PIP5K1A: variants seen among roughly 807,000 people sequenced by gnomAD.
PIP5K1A encodes the protein phosphatidylinositol 4-phosphate 5-kinase type-1 alpha.
PIP5K1A carries 46 observed loss-of-function variants against 72.9 expected under a neutral mutation model. The ratio of observed to expected loss-of-function variants is 0.63; its 90% CI spans 0.50 to 0.81. PIP5K1A has a LOEUF of 0.81. PIP5K1A is among the 30% of genes least tolerant of loss of function. PIP5K1A has a pLI of 0.00. For missense variants in PIP5K1A, 458 were observed against 706.1 expected (o/e 0.65, Z 3.98); for synonymous variants, 228 against 255.1 (o/e 0.89, Z 1.01).
At chr1:151,196,786 C>T (rs587716315), upstream of PIP5K1A, among the ~76,000 whole-genome samples, 2 of 151,720 alleles carry the variant, frequency 1.3e-5, no homozygotes, top group South Asian at 2.1e-4. Flanking sequence ...GTCTTGAACT[C>T]CCGACCTCAG....
chr1:151,236,816 C>CT (rs1690934873), intron 9 of PIP5K1A, 53 bp downstream of exon 9: 54 of 500,372 alleles, frequency 1.1e-4, no homozygotes, highest in South Asian at 3.7e-4. Context: ...CAGCACTTTT[C>CT]TTTTCTTTTT....
intron 1 of PIP5K1A, among the ~76,000 whole-genome samples, chr1:151,206,721 A>C (rs937681895): frequency 1.3e-5 from 2 of 152,044 alleles, no homozygotes; most frequent in Admixed American, 1.3e-4. Context: ...ACGTGCCACC[A>C]CATCCGGCTA....
intron 3 of PIP5K1A, among the ~76,000 whole-genome samples, chr1:151,226,321 G>A (rs1208560737): frequency 1.3e-5 from 2 of 151,638 alleles, no homozygotes; most frequent in Non-Finnish European, 2.9e-5. Context: ...TCCTGACCTC[G>A]TGATCCACTT....
intron 11 of PIP5K1A, 122 bp from the exon 12 acceptor site, chr1:151,239,833 C>T (rs1350126175): frequency 5.5e-6 from 4 of 721,522 alleles, no homozygotes; most frequent in Admixed American, 2.2e-5. Flanking sequence ...TGGCCCCTTC[C>T]GTTTATTTCA....
At chr1:151,238,437 T>C in intron 10 of PIP5K1A, 172 bp downstream of exon 10, 1 of 584,336 alleles carries the variant, frequency 1.7e-6, no homozygotes, top group Non-Finnish European at 3.1e-6. Flanking sequence ...TTTTGCCTCT[T>C]TCCCCGGCCT....
intron 2 of PIP5K1A, 33 bp downstream of exon 2, chr1:151,224,312 A>G (rs780174993): frequency 1.2e-5 from 20 of 1,610,878 alleles, no homozygotes; most frequent in Admixed American, 1.7e-5. Flanking sequence ...GGTTACTAAA[A>G]CCTTAATTCT....
intron 1 of PIP5K1A, among the ~76,000 whole-genome samples, chr1:151,219,121 C>T (rs1688031810): frequency 6.6e-6 from 1 of 152,176 alleles, no homozygotes; most frequent in African/African-American, 2.4e-5. Flanking sequence ...TGGCTCACGC[C>T]TATAATCCCA....
At chr1:151,201,656 C>T (rs907792278) in intron 1 of PIP5K1A, among the ~76,000 whole-genome samples, 2 of 152,026 alleles carry the variant, frequency 1.3e-5, no homozygotes, top group South Asian at 4.1e-4. Context: ...GTCAGGAGTT[C>T]GAGACCAGCC....
intron 14 of PIP5K1A, among the ~76,000 whole-genome samples, chr1:151,245,241 CA>C (rs1467509708): frequency 6.6e-6 from 1 of 152,182 alleles, no homozygotes; most frequent in Non-Finnish European, 1.5e-5. Flanking sequence ...TTGTCCAATT[CA>C]TTAGGCACAT....
chr1:151,238,881 T>G (rs1049843827), intron 10 of PIP5K1A, among the ~76,000 whole-genome samples: 1 of 152,206 alleles, frequency 6.6e-6, no homozygotes, highest in Non-Finnish European at 1.5e-5. Flanking sequence ...GTTCCTGATT[T>G]GTCAGGGACA....
chr1:151,195,445 T>C (rs12080668), upstream of PIP5K1A: 1,097 of 152,232 alleles, frequency 7.2e-3, 14 homozygotes, highest in African/African-American at 0.025. Flanking sequence ...ACAGTTCTAC[T>C]ATGCCAGGAA....
Position 151,239,952 on chromosome 1 carries a change from C to G in PIP5K1A, c.1279-3C>G. 2 of 1,609,464 alleles carry G rather than the reference C, an allele frequency of 1.2e-6. No individual in the cohort carries two copies. Among genetic ancestry groups the G allele is most frequent in the Non-Finnish European group, 1.7e-6 (2 of 1,175,956 alleles). On this transcript the variant is annotated splice_polypyrimidine_tract_variant and splice_region_variant and intron_variant, in intron 11 of 15. Transcript: ENST00000368888. Reference sequence around the variant, plus strand: ...ACTCTATAGCATTTCTTCTGCTCTGCAGGACACTGTCTCAGTGCATCGCCC... The same window carrying G: ...ACTCTATAGCATTTCTTCTGCTCTGGAGGACACTGTCTCAGTGCATCGCCC...
chr1:151,200,422 G>T (rs146045372), intron 1 of PIP5K1A, among the ~76,000 whole-genome samples: 1 of 151,306 alleles, frequency 6.6e-6, no homozygotes, highest in Admixed American at 6.6e-5. Context: ...TGTGTCGGGT[G>T]GGGGGGCGGG....
chr1:151,201,866 CAAA>C (rs1199975695), intron 1 of PIP5K1A, among the ~76,000 whole-genome samples: 2 of 151,086 alleles, frequency 1.3e-5, no homozygotes, highest in Admixed American at 1.3e-4. Flanking sequence ...TGTCTCAAAA[CAAA>C]AAAAAGGGGG....
At position 151,198,553 on chromosome 1, in the gene PIP5K1A, A is replaced by AT. The variant is rs150367641; in HGVS notation, c.-438dup. ...GGTCGGGCGCATGCGCAGTGCTCGG[A>AT]TTTTTTGCTTGGCTACCCGGAGTGA... On this transcript the variant is annotated 5_prime_UTR_variant, in exon 1 of 16. Coordinates refer to ENST00000368888, the MANE Select transcript of PIP5K1A (RefSeq NM_001135638.2). The AT allele has an allele frequency of 0.022, 4,259 of 194,554 alleles. 71 individuals are homozygous for AT. The highest frequency in any genetic ancestry group is 0.034 in the South Asian group (418 of 12,210). 12.1% of individuals were successfully genotyped at this position (194,554 alleles called of 1,614,324 possible). A position where few individuals can be genotyped will look rare whatever the true frequency, so the allele number is the denominator to read the frequency against.
At chr1:151,233,855 A>G in intron 7 of PIP5K1A, 1 of 234,390 alleles carries the variant, frequency 4.3e-6, no homozygotes, top group Admixed American at 5.1e-5. Flanking sequence ...TGGAGAAGTT[A>G]GGTAACTCTC....
chr1:151,242,303 G>A, intron 13 of PIP5K1A, 34 bp downstream of exon 13: 3 of 1,610,758 alleles, frequency 1.9e-6, no homozygotes, highest in Non-Finnish European at 2.5e-6. Flanking sequence ...CATGTGATTG[G>A]GTACTCCCTC....
intron 1 of PIP5K1A, among the ~76,000 whole-genome samples, chr1:151,219,160 C>G (rs1353011057): frequency 1.3e-5 from 2 of 152,084 alleles, no homozygotes; most frequent in Non-Finnish European, 2.9e-5. Context: ...GTGGGCAGAT[C>G]ACTTGAGGTC....
intron 1 of PIP5K1A, among the ~76,000 whole-genome samples, chr1:151,218,808 G>A (rs1191921581): frequency 7.5e-6 from 1 of 133,784 alleles, no homozygotes; most frequent in Non-Finnish European, 1.6e-5. Flanking sequence ...ACTCCAGCCT[G>A]GCAACAGAGT....
Sources: gnomAD v4.1 joint callset for allele counts (sites outside exome capture counted in the v4.1 genomes callset) on GRCh38, gnomAD v4.1.1 for gene constraint, MANE v1.5 for transcripts, NCBI Gene and HGNC (gene_info 2026-07-23, HGNC 2026-07-21) for gene names.